Variants in CTNND2 observed in about 807,000 individuals in gnomAD.
CTNND2 encodes the protein catenin delta 2, also known as catenin delta-2.
Under a neutral mutation model 144.4 loss-of-function variants are expected in CTNND2, and 22 were observed. That is an observed-to-expected ratio of 0.15 (90% confidence interval 0.11 to 0.22). The LOEUF is 0.22. CTNND2 is among the 10% of genes least tolerant of loss of function. The pLI, the probability that CTNND2 is intolerant of heterozygous loss-of-function variation, is 1.00. For missense variants in CTNND2, 1,353 were observed against 1,618.8 expected (o/e 0.84, Z 2.82); for synonymous variants, 751 against 695.6 (o/e 1.08, Z -1.25).
chr5:11,656,576 C>G (rs376473301), intron 2 of CTNND2, among the ~76,000 whole-genome samples: 15 of 152,184 alleles, frequency 9.9e-5, no homozygotes, highest in African/African-American at 3.6e-4. Context: ...CCAATGACCC[C>G]ACCACCCACC....
intron 2 of CTNND2, among the ~76,000 whole-genome samples, chr5:11,611,047 G>T (rs1780297835): frequency 6.6e-6 from 1 of 152,120 alleles, no homozygotes; most frequent in Non-Finnish European, 1.5e-5. Flanking sequence ...TCATGGGAGG[G>T]ACCTGGTGGG....
intron 1 of CTNND2, among the ~76,000 whole-genome samples, chr5:11,735,568 A>G (rs2126750877): frequency 6.6e-6 from 1 of 152,318 alleles, no homozygotes; most frequent in Middle Eastern, 3.4e-3. Flanking sequence ...CTCATCTTGA[A>G]TGGTAGCTTC....
intron 8 of CTNND2, among the ~76,000 whole-genome samples, chr5:11,347,609 G>C (rs1287173001): frequency 6.6e-6 from 1 of 152,162 alleles, no homozygotes; most frequent in East Asian, 1.9e-4. Context: ...GCTTTAGACT[G>C]CTAGTCATGA....
intron 12 of CTNND2, among the ~76,000 whole-genome samples, chr5:11,124,160 G>A (rs1580350817): frequency 6.6e-6 from 1 of 152,110 alleles, no homozygotes; most frequent in Non-Finnish European, 1.5e-5. Flanking sequence ...AAGATCTCCA[G>A]AACTCCCAGC....
chr5:11,058,853 T>C (rs533740990), intron 16 of CTNND2, among the ~76,000 whole-genome samples: 265 of 152,328 alleles, frequency 1.7e-3, no homozygotes, highest in Middle Eastern at 0.014. Flanking sequence ...ATGTTAGACA[T>C]GGAATCAAAG....
chr5:11,794,853 C>T (rs894886644), intron 1 of CTNND2, among the ~76,000 whole-genome samples: 28 of 152,200 alleles, frequency 1.8e-4, no homozygotes, highest in Non-Finnish European at 2.8e-4. Flanking sequence ...TGCTCTTTTG[C>T]ATCTGGAATG....
At chr5:11,231,600 T>C (rs1741030259) in intron 10 of CTNND2, among the ~76,000 whole-genome samples, 1 of 152,128 alleles carries the variant, frequency 6.6e-6, no homozygotes, top group African/African-American at 2.4e-5. Flanking sequence ...TGATTTAGGT[T>C]ATGTGGCAGA....
At chr5:11,535,521 CT>C (rs1774131084) in intron 3 of CTNND2, among the ~76,000 whole-genome samples, 1 of 152,046 alleles carries the variant, frequency 6.6e-6, no homozygotes, top group Non-Finnish European at 1.5e-5. Flanking sequence ...ATAACAAGAA[CT>C]TTTTTTGTAA....
chr5:11,799,140 G>T (rs1791551502), intron 1 of CTNND2, among the ~76,000 whole-genome samples: 2 of 152,038 alleles, frequency 1.3e-5, no homozygotes, highest in African/African-American at 4.8e-5. Context: ...TAGTATACTA[G>T]CATTTATATT....
intron 3 of CTNND2, among the ~76,000 whole-genome samples, chr5:11,443,249 T>TGCTGTGTGTG (rs1378564611): frequency 0.15 from 19,420 of 132,362 alleles, 2,329 homozygotes; most frequent in African/African-American, 0.35. Context: ...TGTGTGTGTG[T>TGCTGTGTGTG]GTGCTGTGTG....
At chr5:11,229,672 G>GTGTGTGTA (rs764623509) in intron 10 of CTNND2, among the ~76,000 whole-genome samples, 4 of 147,596 alleles carry the variant, frequency 2.7e-5, no homozygotes, top group East Asian at 2.0e-4. Flanking sequence ...GTGTGTGTGT[G>GTGTGTGTA]TATATATATA....
rs111630921 is a variant in CTNND2 at position 11,846,494 on chromosome 5, A to G, written c.37+57323T>C. 5.2e-3 allele frequency among the ~76,000 whole-genome samples: 788 copies of G among 152,272 alleles called. 9 individuals carry two copies. The highest frequency in any genetic ancestry group is 0.016 in the African/African-American group (660 of 41,572). ...AGACCCAAAACTATGCAATTAGTTG[A>G]AGAAATCATAGTGGATCAATGCTTC... On this transcript the variant is annotated intron_variant, in intron 1 of 21. Coordinates refer to ENST00000304623, the MANE Select transcript of CTNND2 (RefSeq NM_001332.4).
At chr5:11,350,532 G>A (rs1755224537) in intron 8 of CTNND2, among the ~76,000 whole-genome samples, 1 of 152,062 alleles carries the variant, frequency 6.6e-6, no homozygotes, top group Non-Finnish European at 1.5e-5. Context: ...TTTCAGCCTT[G>A]TCAAATGGTC....
At chr5:11,695,039 C>G (rs972006966) in intron 2 of CTNND2, among the ~76,000 whole-genome samples, 1 of 151,918 alleles carries the variant, frequency 6.6e-6, no homozygotes, top group Admixed American at 6.5e-5. Flanking sequence ...TTAGGGTTAT[C>G]GAACAGTTAG....
chr5:11,249,794 A>G (rs1295435151), intron 9 of CTNND2, among the ~76,000 whole-genome samples: 1 of 152,070 alleles, frequency 6.6e-6, no homozygotes, highest in African/African-American at 2.4e-5. Flanking sequence ...ACAAACAAAA[A>G]AAAAACCAAA....
At chr5:11,579,077 C>T (rs1407303354) in intron 2 of CTNND2, among the ~76,000 whole-genome samples, 3 of 152,008 alleles carry the variant, frequency 2.0e-5, no homozygotes, top group Non-Finnish European at 2.9e-5. Context: ...CAGTGTGATC[C>T]GTTCTCAGAT....
intron 9 of CTNND2, among the ~76,000 whole-genome samples, chr5:11,293,211 C>G (rs910862350): frequency 1.3e-5 from 2 of 152,090 alleles, no homozygotes; most frequent in African/African-American, 4.8e-5. Flanking sequence ...ATTAGAAAGC[C>G]CAAGTTCATA....
chr5:11,429,735 T>C (rs752042922), intron 3 of CTNND2, among the ~76,000 whole-genome samples: 1 of 152,138 alleles, frequency 6.6e-6, no homozygotes, highest in Non-Finnish European at 1.5e-5. Context: ...GCGTTTTGTA[T>C]AGATTTTCCA....
intron 3 of CTNND2, among the ~76,000 whole-genome samples, chr5:11,460,299 T>C (rs1344765517): frequency 2.6e-5 from 4 of 152,152 alleles, no homozygotes; most frequent in Non-Finnish European, 5.9e-5. Flanking sequence ...AGAAAACAGA[T>C]GCCCTATGAG....
Sources: gnomAD v4.1 joint callset for allele counts (sites outside exome capture counted in the v4.1 genomes callset) on GRCh38, gnomAD v4.1.1 for gene constraint, MANE v1.5 for transcripts, NCBI Gene and HGNC (gene_info 2026-07-23, HGNC 2026-07-21) for gene names.